Variants in HPS3 observed in about 807,000 individuals in gnomAD.
HPS3 encodes the protein BLOC-2 complex member HPS3.
Under a neutral mutation model 110.9 loss-of-function variants are expected in HPS3, and 79 were observed. The ratio of observed to expected loss-of-function variants is 0.71; its 90% confidence interval spans 0.59 to 0.86. The LOEUF is 0.86. Ranked by LOEUF, HPS3 falls within the 40% of genes least tolerant of loss-of-function variation. The pLI is 0.00. For missense variants in HPS3, 1,197 were observed against 1,206.2 expected, an observed-to-expected ratio of 0.99 and a Z score of 0.11; for synonymous variants, 428 against 451.0, an observed-to-expected ratio of 0.95 and a Z score of 0.65.
In HPS3 at chr3:149,151,662, CG is replaced by C. The variant is rs531428361; in HGVS notation, c.1245+984del. Among the ~76,000 whole-genome samples, 35 of 139,734 alleles carry C rather than the reference CG, an allele frequency of 2.5e-4. No homozygotes were observed. The East Asian group carries it at 7.6e-3, about 30-fold the overall frequency. The allele number at this position is 139,734 out of a possible 152,430, so 91.7% of individuals were successfully genotyped here. A position where few individuals can be genotyped will look rare whatever the true frequency, so the allele number is the denominator to read the frequency against. ...ATGTAGGCATTATTATGTTGAGATT[CG>C]GTGTTTTCTGACTTTGAATTTCTGT... is the stretch of plus-strand genomic sequence containing the variant. On this transcript the variant is annotated intron_variant, in intron 6 of 16. Transcript: ENST00000296051.
At chr3:149,148,466 G>C (rs1341655814) in intron 5 of HPS3, among the ~76,000 whole-genome samples, 1 of 143,302 alleles carries the variant, frequency 7.0e-6, no homozygotes, top group African/African-American at 2.6e-5. Context: ...GCAGTGGCGT[G>C]ATCTCAGCTC....
At chr3:149,169,558 T>C (rs974990906) in intron 16 of HPS3, among the ~76,000 whole-genome samples, 1 of 152,194 alleles carries the variant, frequency 6.6e-6, no homozygotes, top group African/African-American at 2.4e-5. Context: ...GTTTCCCCTG[T>C]GCATTTTAGG....
At chr3:149,162,457 A>C (rs1192734889) in intron 12 of HPS3, 124 bp downstream of exon 12, 2 of 947,732 alleles carry the variant, frequency 2.1e-6, no homozygotes, top group Non-Finnish European at 3.3e-6. Flanking sequence ...ATACATAATC[A>C]GTTTATAAGA....
chr3:149,139,156 C>T (rs541810935), intron 1 of HPS3, among the ~76,000 whole-genome samples: 165 of 152,106 alleles, frequency 1.1e-3, no homozygotes, highest in African/African-American at 3.4e-3. Flanking sequence ...ATAAATTATG[C>T]GTATGTATGT....
rs367699256 is a variant in HPS3 at position 149,172,190 on chromosome 3, C to G, written c.2983C>G (p.Leu995Val). 3.7e-6 allele frequency: 6 copies of G among 1,613,444 alleles called. No individual in the cohort carries two copies. The highest frequency in any genetic ancestry group is 5.1e-6 in the Non-Finnish European group (6 of 1,179,616). ...TGCAACATTTTTCTTGCCATATCTT[C>G]TCTATTGCAGTCGAAAGAAACCATT... ...GTATFFLPYL[L>V]YCSRKKPLT Residue 995 changes from leucine to valine, a missense_variant, in exon 17 of 17, where the codon CTC (leucine) becomes GTC (valine). Transcript: ENST00000296051.
At position 149,141,198 on chromosome 3, in the gene HPS3, T is replaced by A; in HGVS notation, c.884+10T>A. 6.4e-7 allele frequency: 1 copy of A among 1,564,650 alleles called. No individual in the cohort carries two copies. The highest frequency in any genetic ancestry group is 8.6e-7 in the Non-Finnish European group (1 of 1,160,716). On this transcript the variant is annotated intron_variant, in intron 3 of 16. Coordinates refer to ENST00000296051, the MANE Select transcript of HPS3 (RefSeq NM_032383.5). The stretch of plus-strand genomic sequence containing the variant: ...AGCACCTGCTCTATAGGTATTATAG[T>A]GCTTTTTTTTTTTTTACCAGCATTT...
intron 13 of HPS3, 113 bp downstream of exon 13, chr3:149,162,991 A>T: frequency 2.2e-6 from 2 of 893,718 alleles, no homozygotes; most frequent in Non-Finnish European, 3.6e-6. Flanking sequence ...ATTACCAGGT[A>T]TCTTATTTAT....
intron 9 of HPS3, among the ~76,000 whole-genome samples, 163 bp from the exon 10 acceptor site, chr3:149,158,503 T>G (rs941899523): frequency 1.3e-5 from 2 of 152,168 alleles, no homozygotes; most frequent in Non-Finnish European, 2.9e-5. Context: ...AAATTCCAAA[T>G]TTGACTAGGC....
At chr3:149,142,753 G>C (rs61304275) in intron 4 of HPS3, among the ~76,000 whole-genome samples, 1 of 152,044 alleles carries the variant, frequency 6.6e-6, no homozygotes, top group African/African-American at 2.4e-5. Flanking sequence ...TTGCTCTTAC[G>C]GAGCTAATTG....
intron 12 of HPS3, 85 bp downstream of exon 12, chr3:149,162,418 T>C (rs768984089): frequency 5.4e-6 from 7 of 1,292,680 alleles, no homozygotes; most frequent in Non-Finnish European, 6.7e-6. Flanking sequence ...AGTGAGTTTT[T>C]CATTTGTTTG....
At chr3:149,158,480 T>C (rs1723588230) in intron 9 of HPS3, among the ~76,000 whole-genome samples, 186 bp from the exon 10 acceptor site, 1 of 152,176 alleles carries the variant, frequency 6.6e-6, no homozygotes, top group Non-Finnish European at 1.5e-5. Context: ...ATGTTTTAGA[T>C]ATCCAGGTTT....
chr3:149,168,983 T>C (rs1205586878), intron 16 of HPS3, among the ~76,000 whole-genome samples: 1 of 152,092 alleles, frequency 6.6e-6, no homozygotes, highest in Non-Finnish European at 1.5e-5. Flanking sequence ...TCACCCATAA[T>C]CATTCCTCCA....
intron 1 of HPS3, among the ~76,000 whole-genome samples, chr3:149,136,839 T>C (rs1018751705): frequency 1.3e-5 from 2 of 152,198 alleles, no homozygotes; most frequent in African/African-American, 4.8e-5. Flanking sequence ...ATGAATTTTA[T>C]AGATGAAATG....
chr3:149,154,992 G>T, intron 7 of HPS3, 115 bp from the exon 8 acceptor site: 1 of 705,048 alleles, frequency 1.4e-6, no homozygotes. Flanking sequence ...AATCACTGAG[G>T]AAAATAGTAA....
chr3:149,170,137 G>C (rs1724830374), intron 16 of HPS3, among the ~76,000 whole-genome samples: 1 of 152,190 alleles, frequency 6.6e-6, no homozygotes, highest in South Asian at 2.1e-4. Context: ...AGTTATACAT[G>C]AAAGTGCTTT....
rs538941082 is a variant in HPS3, at chr3:149,153,506, G to A, written c.1258G>A (p.Val420Ile). 1.2e-6 allele frequency: 2 copies of A among 1,613,936 alleles called. No individual in the cohort carries two copies. Among genetic ancestry groups the A allele is most frequent in the South Asian group, 1.1e-5 (1 of 91,080 alleles). Residue 420 changes from valine (V) to isoleucine (I), a missense_variant, in exon 7 of 17, where the codon GTC becomes ATC. By Grantham distance (29) the Val-to-Ile change is conservative. Transcript: ENST00000296051. ...TTTCCTTTACTAGGCTTGCCCACCTGTCAGTATGGATGTCTGTGCTTTAAG... is the reference window on the plus strand; with the variant it reads ...TTTCCTTTACTAGGCTTGCCCACCTATCAGTATGGATGTCTGTGCTTTAAG... ...MDTTLKACPP[V>I]SMDVCALRIQ...
chr3:149,150,445 C>T (rs965402188), intron 5 of HPS3, among the ~76,000 whole-genome samples, 154 bp from the exon 6 acceptor site: 1 of 152,174 alleles, frequency 6.6e-6, no homozygotes, highest in African/African-American at 2.4e-5. Context: ...CTGAGGCATT[C>T]CTCTTATTGA....
In HPS3 at chr3:149,158,842, A is replaced by G. The variant is rs1194776984; in HGVS notation, c.1868A>G (p.Asn623Ser). The G allele has an allele frequency of 2.5e-5, 39 of 1,566,248 alleles. No individual in the cohort carries two copies. Among genetic ancestry groups the G allele is most frequent in the Non-Finnish European group, 3.2e-5 (36 of 1,136,868 alleles). ...SLYENLDEEL[N>S]EELAAKVVQM... ...TATGAAAACCTGGATGAAGAATTAA[A>G]TGAAGTGATTATAGTTTTCTGTTTT... is the stretch of plus-strand genomic sequence containing the variant. Residue 623 changes from asparagine (N) to serine (S), a missense_variant, in exon 10 of 17, where the codon AAT becomes AGT. Physicochemically the swap from Asn to Ser is conservative, Grantham distance 46. Transcript: ENST00000296051.
chr3:149,163,791 G>A, intron 13 of HPS3, 51 bp from the exon 14 acceptor site: 1 of 992,414 alleles, frequency 1.0e-6, no homozygotes, highest in Non-Finnish European at 1.6e-6. Flanking sequence ...GAATGGATAA[G>A]CAAGCTTTTG....
Sources: gnomAD v4.1 joint callset for allele counts (sites outside exome capture counted in the v4.1 genomes callset) on GRCh38, gnomAD v4.1.1 for gene constraint, MANE v1.5 for transcripts, NCBI Gene and HGNC (gene_info 2026-07-23, HGNC 2026-07-21) for gene names.